Variants in IQGAP1 observed in about 807,000 individuals in gnomAD.
The protein encoded by IQGAP1 is IQ motif containing GTPase activating protein 1, also known as ras GTPase-activating-like protein IQGAP1.
A neutral mutation model predicts 215.6 loss-of-function variants in IQGAP1; 66 were observed. The ratio of observed to expected loss-of-function variants is 0.31; its 90% CI spans 0.25 to 0.38. IQGAP1 has a LOEUF of 0.38. Ranked by LOEUF, IQGAP1 falls within the 10% of genes least tolerant of loss-of-function variation. The pLI is 1.00. For synonymous variants in IQGAP1, 772 were observed against 728.7 expected, an observed-to-expected ratio of 1.06 and a Z score of -0.96; for missense variants, 1,712 against 1,997.1, an observed-to-expected ratio of 0.86 and a Z score of 2.72.
Position 90,472,836 on chromosome 15 carries a change from TCAGAG to T in IQGAP1, c.2179-3_2180del. 6.3e-7 allele frequency: 1 copy of T among 1,598,738 alleles called. No individual in the cohort carries two copies. The highest frequency in any genetic ancestry group is 8.5e-7 in the Non-Finnish European group (1 of 1,170,912). On this transcript the variant is annotated splice_acceptor_variant and splice_polypyrimidine_tract_variant and coding_sequence_variant and intron_variant, in exon 19 of 38. Transcript: ENST00000268182. LOFTEE classifies it high-confidence loss of function. ...GTCTTTGAATGTGACCACTGCTTTT[TCAGAG>T]TTCTATCTCTGGGGTGACTGCCGCA...
chr15:90,500,146 G>A lies in IQGAP1; in HGVS notation c.*38G>A, dbSNP rs766130274. ...TGCCAGCCCAGAAGGATGAAGGAAA[G>A]AAGCACCTCACAGCTCCTTTCTAGG... On this transcript the variant is annotated 3_prime_UTR_variant, in exon 38 of 38. Transcript: ENST00000268182. The A allele has an allele frequency of 2.5e-6, 3 of 1,192,134 alleles. No homozygotes were observed. The highest frequency in any genetic ancestry group is 3.8e-6 in the Non-Finnish European group (3 of 797,922). 73.8% of individuals were successfully genotyped at this position (1,192,134 alleles called of 1,614,324 possible).
At chr15:90,480,169 G>A (rs933837394) in intron 26 of IQGAP1, among the ~76,000 whole-genome samples, 4 of 149,024 alleles carry the variant, frequency 2.7e-5, no homozygotes, top group Non-Finnish European at 4.4e-5. Flanking sequence ...CAGGAAGATC[G>A]CTTGAGCCCA....
At chr15:90,480,619 A>G (rs979323102) in intron 26 of IQGAP1, among the ~76,000 whole-genome samples, 3 of 152,190 alleles carry the variant, frequency 2.0e-5, no homozygotes, top group Non-Finnish European at 4.4e-5. Flanking sequence ...ATTTTAATTT[A>G]GCCATGCTAT....
At chr15:90,469,159 T>C (rs1422656802) in intron 18 of IQGAP1, among the ~76,000 whole-genome samples, 1 of 152,122 alleles carries the variant, frequency 6.6e-6, no homozygotes, top group Non-Finnish European at 1.5e-5. Context: ...TAAACCAGAG[T>C]TGTTTAATGA....
intron 2 of IQGAP1, among the ~76,000 whole-genome samples, chr15:90,396,114 T>C (rs1003643771): frequency 2.0e-5 from 3 of 152,176 alleles, no homozygotes; most frequent in Non-Finnish European, 4.4e-5. Context: ...TTAGAGGAAT[T>C]GAAAAGGTAT....
intron 15 of IQGAP1, among the ~76,000 whole-genome samples, chr15:90,460,501 T>A (rs186292322): frequency 2.6e-5 from 4 of 152,258 alleles, no homozygotes; most frequent in African/African-American, 7.2e-5. Flanking sequence ...TCAGGTCAAA[T>A]AAAGACAGCC....
intron 2 of IQGAP1, among the ~76,000 whole-genome samples, chr15:90,418,811 C>T (rs1965090668): frequency 6.6e-6 from 1 of 152,068 alleles, no homozygotes; most frequent in African/African-American, 2.4e-5. Context: ...TAGGTCGTAA[C>T]TGTTGTTATT....
Position 90,492,740 on chromosome 15 carries a change from A to G in IQGAP1, c.4628+29A>G, listed in dbSNP as rs74039033. The G allele has an allele frequency of 1.3e-3, 2,094 of 1,585,530 alleles. 22 individuals carry two copies. In the African/African-American group the frequency reaches 0.025, roughly 19 times the overall value. Reference sequence around the variant, plus strand: ...AGTATTTTTTCTTTTTAAAGAATCAATGTCAGAATTAGAGTGAGGAAAAAG... The same window carrying G: ...AGTATTTTTTCTTTTTAAAGAATCAGTGTCAGAATTAGAGTGAGGAAAAAG... On this transcript the variant is annotated intron_variant, in intron 35 of 37. Coordinates refer to ENST00000268182, the MANE Select transcript of IQGAP1 (RefSeq NM_003870.4).
In IQGAP1 at chr15:90,443,472, G is replaced by C; in HGVS notation, c.907G>C (p.Val303Leu). ...TGAAATTCAAGGCAATATAAACAAA[G>C]TCAATAGTAAGTATGTTCCTGAATC... ...QAEIQGNINKVNTFSALANID... is the reference protein window; with the variant it reads ...QAEIQGNINKLNTFSALANID... Residue 303 changes from valine (V) to leucine (L), a missense_variant, in exon 9 of 38, where the codon GTC becomes CTC. Val to Leu is a conservative substitution (Grantham distance 32, BLOSUM62 1). Transcript: ENST00000268182. The C allele has an allele frequency of 6.3e-7, 1 of 1,591,974 alleles. No individual in the cohort carries two copies. The highest frequency in any genetic ancestry group is 8.6e-7 in the Non-Finnish European group (1 of 1,160,212).
intron 18 of IQGAP1, among the ~76,000 whole-genome samples, chr15:90,468,685 G>A (rs1173224255): frequency 6.6e-6 from 1 of 151,982 alleles, no homozygotes; most frequent in African/African-American, 2.4e-5. Flanking sequence ...ACAAAAATTA[G>A]CTGGGCATAG....
intron 2 of IQGAP1, among the ~76,000 whole-genome samples, chr15:90,418,155 C>T (rs1226326054): frequency 1.3e-5 from 2 of 152,028 alleles, no homozygotes; most frequent in African/African-American, 4.8e-5. Context: ...ATAAGTGTTC[C>T]ACACAGTAGT....
At position 90,486,098 on chromosome 15, in the gene IQGAP1, C is replaced by T; in HGVS notation, c.3990C>T (p.Asp1330=). ...HNDPIHELLD[D]LGEVPTIESL... is the part of the protein sequence containing the mutation. ...ATCCAATCCACGAACTGCTGGACGA[C>T]CTCGGCGAGGTGCCCACCATCGAGT... The change falls in exon 31 of 38, where the codon GAC becomes GAT. Residue 1330 remains aspartate (D), a synonymous_variant. Transcript: ENST00000268182. 2 of 1,613,918 alleles carry T rather than the reference C, an allele frequency of 1.2e-6. No homozygotes were observed. Among genetic ancestry groups the T allele is most frequent in the Non-Finnish European group, 1.7e-6 (2 of 1,179,934 alleles).
chr15:90,440,166 T>C (rs1322869064), intron 6 of IQGAP1, among the ~76,000 whole-genome samples: 1 of 152,252 alleles, frequency 6.6e-6, no homozygotes, highest in Admixed American at 6.5e-5. Context: ...TGACTTAGTT[T>C]GTGATTCACT....
chr15:90,474,262 A>G, intron 22 of IQGAP1, 129 bp downstream of exon 22: 1 of 875,240 alleles, frequency 1.1e-6, no homozygotes, highest in Admixed American at 2.7e-5. Context: ...CCTGTGACAT[A>G]AGCCCCTTTG....
chr15:90,444,446 T>C (rs1242201079), intron 9 of IQGAP1, among the ~76,000 whole-genome samples: 1 of 152,086 alleles, frequency 6.6e-6, no homozygotes, highest in Non-Finnish European at 1.5e-5. Flanking sequence ...CACACCCAGC[T>C]GATTTTTAAA....
Position 90,498,574 on chromosome 15 carries a change from G to T in IQGAP1, c.4860+1234G>T, listed in dbSNP as rs554290602. Among the ~76,000 whole-genome samples the T allele has an allele frequency of 5.3e-5, 8 of 152,266 alleles. No homozygotes were observed. In the East Asian group the frequency reaches 5.8e-4, roughly 11 times the overall value. On this transcript the variant is annotated intron_variant, in intron 37 of 37. Transcript: ENST00000268182. ...GTAACTGCCAGGTGTGGGGTATTCT[G>T]TTAGGCACAGGTCCCAGCAGCCCTC...
intron 6 of IQGAP1, 41 bp from the exon 7 acceptor site, chr15:90,440,461 G>T (rs1210572700): frequency 1.5e-6 from 2 of 1,361,088 alleles, no homozygotes; most frequent in South Asian, 1.2e-5. Flanking sequence ...TTATGGAAGG[G>T]TGCTTAGCTT....
intron 28 of IQGAP1, 125 bp downstream of exon 28, chr15:90,482,406 G>A: frequency 1.2e-6 from 1 of 834,154 alleles, no homozygotes; most frequent in Non-Finnish European, 2.0e-6. Context: ...TTGATTGTGA[G>A]CTTTTGAAAG....
At chr15:90,434,768 A>G (rs1427522068) in intron 5 of IQGAP1, among the ~76,000 whole-genome samples, 3 of 152,066 alleles carry the variant, frequency 2.0e-5, no homozygotes, top group Non-Finnish European at 4.4e-5. Context: ...GAATGCTCCA[A>G]TTATAGCATT....
Sources: allele counts gnomAD v4.1 joint callset (sites outside exome capture counted in the v4.1 genomes callset), GRCh38; gene constraint gnomAD v4.1.1; transcripts MANE v1.5; gene names NCBI Gene and HGNC (gene_info 2026-07-23, HGNC 2026-07-21).